Variants in SPINK14 observed in about 807,000 individuals in gnomAD.
The protein encoded by SPINK14 is serine protease inhibitor Kazal-type 14.
SPINK14 carries 6 observed loss-of-function variants against 14.2 expected under a neutral mutation model. The ratio of observed to expected loss-of-function variants is 0.42; its 90% confidence interval spans 0.23 to 0.83. The LOEUF (loss-of-function observed/expected upper bound fraction) is 0.83. SPINK14 is among the 40% of genes least tolerant of loss of function. The pLI, the probability that SPINK14 is intolerant of heterozygous loss-of-function variation, is 0.28. For synonymous variants in SPINK14, 34 were observed against 36.8 expected, an observed-to-expected ratio of 0.92 and a Z score of 0.27; for missense variants, 86 against 108.3, an observed-to-expected ratio of 0.79 and a Z score of 0.91.
At position 148,168,936 on chromosome 5, in the gene SPINK14, G is replaced by A. The variant is rs571756087; in HGVS notation, c.-73+369G>A. Among the ~76,000 whole-genome samples, 40 of 152,248 alleles carry A rather than the reference G, an allele frequency of 2.6e-4. 1 individual carries two copies. In the South Asian group the frequency reaches 8.3e-3, roughly 32 times the overall value. ...AGCCTAGAGAACATATGGAAGACCA[G>A]GCTACTTTTCTAGAATTAGGAATGG... On this transcript the variant is annotated intron_variant, in intron 1 of 4. Coordinates refer to ENST00000356972, the MANE Select transcript of SPINK14 (RefSeq NM_001001325.2).
At position 148,175,439 on chromosome 5, in the gene SPINK14, T is replaced by C. The variant is rs1755155590; in HGVS notation, c.*41T>C. The stretch of plus-strand genomic sequence containing the variant: ...TGTGGAAGATATCTTCTTTTTTTTT[T>C]CCTCCATGTCTCCAATCTCCCTCTT... On this transcript the variant is annotated 3_prime_UTR_variant, in exon 5 of 5. Coordinates refer to ENST00000356972, the MANE Select transcript of SPINK14 (RefSeq NM_001001325.2). 4.4e-5 allele frequency: 13 copies of C among 298,336 alleles called. No homozygotes were observed. Among genetic ancestry groups the C allele is most frequent in the Non-Finnish European group, 6.4e-5 (13 of 203,714 alleles). 18.5% of individuals were successfully genotyped at this position (298,336 alleles called of 1,614,324 possible). A position where few individuals can be genotyped will look rare whatever the true frequency, so the allele number is the denominator to read the frequency against.
intron 2 of SPINK14, among the ~76,000 whole-genome samples, chr5:148,170,171 T>C (rs139311430): frequency 0.11 from 14,507 of 137,848 alleles, 770 homozygotes; most frequent in African/African-American, 0.15. Flanking sequence ...TATATATATA[T>C]ATACACACAC....
chr5:148,173,772 T>C (rs1287960641), intron 3 of SPINK14, among the ~76,000 whole-genome samples: 1 of 95,334 alleles, frequency 1.0e-5, no homozygotes, highest in Non-Finnish European at 2.2e-5. Flanking sequence ...AAATGGGATA[T>C]ATATAGGTTC....
chr5:148,174,201 C>T lies in SPINK14; in HGVS notation c.112-33C>T, dbSNP rs747859247. The T allele has an allele frequency of 2.7e-6, 3 of 1,093,306 alleles. No individual in the cohort carries two copies. The Admixed American group carries it at 6.1e-5, about 22-fold the overall frequency. The allele number at this position is 1,093,306 out of a possible 1,614,324, so 67.7% of individuals were successfully genotyped here. On this transcript the variant is annotated intron_variant, in intron 3 of 4. Coordinates refer to ENST00000356972, the MANE Select transcript of SPINK14 (RefSeq NM_001001325.2). ...GTGACCTACCTGTCTAAGTGGGATT[C>T]TAACTGGATAAATCTTTTCAACTCA...
At chr5:148,172,325 C>T (rs1038890945) in intron 3 of SPINK14, among the ~76,000 whole-genome samples, 1 of 151,954 alleles carries the variant, frequency 6.6e-6, no homozygotes, top group Non-Finnish European at 1.5e-5. Flanking sequence ...AGAAAAGTGG[C>T]GGATGCTACA....
At position 148,175,460 on chromosome 5, in the gene SPINK14, C is replaced by T. The variant is rs1455349731; in HGVS notation, c.*62C>T. On this transcript the variant is annotated 3_prime_UTR_variant, in exon 5 of 5. Coordinates refer to ENST00000356972, the MANE Select transcript of SPINK14 (RefSeq NM_001001325.2). Reference sequence around the variant, plus strand: ...TTTTTCCTCCATGTCTCCAATCTCCCTCTTGCGCTTTTTACATCTCCTTGC... The same window carrying T: ...TTTTTCCTCCATGTCTCCAATCTCCTTCTTGCGCTTTTTACATCTCCTTGC... 3.2e-6 allele frequency: 4 copies of T among 1,232,568 alleles called. No homozygotes were observed. The highest frequency in any genetic ancestry group is 1.5e-5 in the African/African-American group (1 of 67,020). 76.4% of individuals were successfully genotyped at this position (1,232,568 alleles called of 1,614,324 possible). A position where few individuals can be genotyped will look rare whatever the true frequency, so the allele number is the denominator to read the frequency against.
In SPINK14 at chr5:148,170,611, T is replaced by C. The variant is rs568656939; in HGVS notation, c.68-319T>C. Among the ~76,000 whole-genome samples the C allele has an allele frequency of 5.3e-5, 8 of 152,244 alleles. No homozygotes were observed. In the South Asian group the frequency reaches 1.7e-3, roughly 32 times the overall value. On this transcript the variant is annotated intron_variant, in intron 2 of 4. Transcript: ENST00000356972. ...AAAAGATCACTTTAAAGTTACAGCA[T>C]TGCTTATTTCTTTCATACATAGATT...
intron 1 of SPINK14, among the ~76,000 whole-genome samples, chr5:148,169,096 G>T (rs1755067512): frequency 6.6e-6 from 1 of 152,102 alleles, no homozygotes. Context: ...TCTGTGTCTG[G>T]ATTAAAATAG....
chr5:148,170,442 C>T (rs1309247147), intron 2 of SPINK14, among the ~76,000 whole-genome samples: 2 of 152,014 alleles, frequency 1.3e-5, no homozygotes, highest in African/African-American at 4.8e-5. Flanking sequence ...CTTTTGTGCC[C>T]TCTTCTAGAG....
intron 3 of SPINK14, among the ~76,000 whole-genome samples, chr5:148,172,382 T>C (rs1755117088): frequency 1.3e-5 from 2 of 152,004 alleles, no homozygotes; most frequent in Non-Finnish European, 2.9e-5. Flanking sequence ...CATAACTTCC[T>C]CCAAAGAGAG....
In SPINK14 at chr5:148,175,524, T is replaced by C; in HGVS notation, c.*126T>C. 1.4e-6 allele frequency: 1 copy of C among 691,212 alleles called. No individual in the cohort carries two copies. The highest frequency in any genetic ancestry group is 2.4e-6 in the Non-Finnish European group (1 of 408,940). 42.8% of individuals were successfully genotyped at this position (691,212 alleles called of 1,614,324 possible). A position where few individuals can be genotyped will look rare whatever the true frequency, so the allele number is the denominator to read the frequency against. On this transcript the variant is annotated 3_prime_UTR_variant, in exon 5 of 5. Transcript: ENST00000356972. ...GACAAAGAGCTATCACTACTGAGCTTGTAGCAGATTGTTCAAAGTTCCTTC... is the reference window on the plus strand; with the variant it reads ...GACAAAGAGCTATCACTACTGAGCTCGTAGCAGATTGTTCAAAGTTCCTTC...
chr5:148,175,404 T>C lies in SPINK14; in HGVS notation c.*6T>C, dbSNP rs755564580. 23 of 1,597,554 alleles carry C rather than the reference T, an allele frequency of 1.4e-5. No individual in the cohort carries two copies. The highest frequency in any genetic ancestry group is 1.9e-5 in the Non-Finnish European group (22 of 1,170,028). On this transcript the variant is annotated 3_prime_UTR_variant, in exon 5 of 5. Coordinates refer to ENST00000356972, the MANE Select transcript of SPINK14 (RefSeq NM_001001325.2). ...ACCATGATGGAAAATGTTAGCTGAG[T>C]GGACTTGAATGTGGAAGATATCTTC... is the stretch of plus-strand genomic sequence containing the variant.
At chr5:148,170,211 T>TAG (rs1349649032) in intron 2 of SPINK14, among the ~76,000 whole-genome samples, 23 of 149,040 alleles carry the variant, frequency 1.5e-4, no homozygotes, top group African/African-American at 3.0e-4. Flanking sequence ...TATATATATA[T>TAG]ATAGAGAGAG....
At chr5:148,171,442 T>C (rs1755104717) in intron 3 of SPINK14, among the ~76,000 whole-genome samples, 2 of 152,154 alleles carry the variant, frequency 1.3e-5, no homozygotes, top group African/African-American at 4.8e-5. Context: ...AGTAGATACC[T>C]GAACAGAGCC....
At chr5:148,171,969 AT>A (rs1455045606) in intron 3 of SPINK14, among the ~76,000 whole-genome samples, 3 of 152,198 alleles carry the variant, frequency 2.0e-5, no homozygotes, top group Non-Finnish European at 2.9e-5. Context: ...TCTTTAAAAA[AT>A]ATTTATTAAT....
At chr5:148,172,232 C>T (rs1755114644) in intron 3 of SPINK14, among the ~76,000 whole-genome samples, 1 of 152,076 alleles carries the variant, frequency 6.6e-6, no homozygotes, top group Admixed American at 6.6e-5. Context: ...AAAAAGTAGC[C>T]ACCCAGGTGA....
intron 3 of SPINK14, among the ~76,000 whole-genome samples, chr5:148,171,908 C>G (rs1170744272): frequency 6.6e-6 from 1 of 152,078 alleles, no homozygotes; most frequent in Non-Finnish European, 1.5e-5. Flanking sequence ...AAGTCTGCCT[C>G]ATGCCCATAA....
intron 4 of SPINK14, 87 bp from the exon 5 acceptor site, chr5:148,175,266 A>G: frequency 1.2e-6 from 1 of 849,366 alleles, no homozygotes; most frequent in Non-Finnish European, 1.8e-6. Flanking sequence ...ATATAAAACC[A>G]GGTTTTAGAT....
rs533069442 is a variant in SPINK14, at chr5:148,175,467, G to A, written c.*69G>A. 258 of 1,105,952 alleles carry A rather than the reference G, an allele frequency of 2.3e-4. No individual in the cohort carries two copies. Among genetic ancestry groups the A allele is most frequent in the Non-Finnish European group, 3.3e-4 (246 of 735,300 alleles). The allele number at this position is 1,105,952 out of a possible 1,614,324, so 68.5% of individuals were successfully genotyped here. A position where few individuals can be genotyped will look rare whatever the true frequency, so the allele number is the denominator to read the frequency against. ...TCCATGTCTCCAATCTCCCTCTTGC[G>A]CTTTTTACATCTCCTTGCATTTGTT... is the stretch of plus-strand genomic sequence containing the variant. On this transcript the variant is annotated 3_prime_UTR_variant, in exon 5 of 5. Transcript: ENST00000356972.
Sources: gnomAD v4.1 joint callset for allele counts (sites outside exome capture counted in the v4.1 genomes callset) on GRCh38, gnomAD v4.1.1 for gene constraint, MANE v1.5 for transcripts, NCBI Gene and HGNC (gene_info 2026-07-23, HGNC 2026-07-21) for gene names.